AFTPH: variants seen among roughly 807,000 people sequenced by gnomAD.
The protein encoded by AFTPH is aftiphilin, also known as aftiphilin protein.
Under a neutral mutation model 72.5 loss-of-function variants are expected in AFTPH, and 7 were observed. The observed-to-expected ratio is 0.10, with a 90% confidence interval of 0.05 to 0.18. AFTPH has a LOEUF of 0.18. AFTPH is among the 10% of genes least tolerant of loss of function. The probability of loss-of-function intolerance (pLI) is 1.00; values close to 1 mark genes in which losing one functional copy is unlikely to be tolerated. For missense variants in AFTPH, 979 were observed against 1,060.5 expected, an observed-to-expected ratio of 0.92 and a Z score of 1.07; for synonymous variants, 337 against 370.1, an observed-to-expected ratio of 0.91 and a Z score of 1.03.
chr2:64,569,693 T>A lies in AFTPH; in HGVS notation c.2271+14T>A, dbSNP rs376265598. On this transcript the variant is annotated intron_variant, in intron 5 of 8. Transcript: ENST00000238856. ...GCAGCAGGATTGGTAAGTACAAAAATCTCTCTGCATGTATTTATCATTACT... is the reference window on the plus strand; with the variant it reads ...GCAGCAGGATTGGTAAGTACAAAAAACTCTCTGCATGTATTTATCATTACT... The A allele has an allele frequency of 1.4e-5, 23 of 1,611,248 alleles. No homozygotes were observed. The highest frequency in any genetic ancestry group is 1.9e-5 in the Non-Finnish European group (22 of 1,177,634).
At chr2:64,550,699 A>G (rs1252690156) in intron 1 of AFTPH, among the ~76,000 whole-genome samples, 1 of 149,174 alleles carries the variant, frequency 6.7e-6, no homozygotes, top group East Asian at 2.0e-4. Context: ...ACACACACAC[A>G]CACACACACA....
chr2:64,524,873 G>C (rs1669154701), intron 1 of AFTPH, among the ~76,000 whole-genome samples: 1 of 152,254 alleles, frequency 6.6e-6, no homozygotes, highest in South Asian at 2.1e-4. Flanking sequence ...GGGTAAGTGG[G>C]AGTCCTTCCC....
chr2:64,540,946 A>G (rs1373006725), intron 1 of AFTPH, among the ~76,000 whole-genome samples: 1 of 152,122 alleles, frequency 6.6e-6, no homozygotes, highest in Non-Finnish European at 1.5e-5. Flanking sequence ...ACCACTCAGA[A>G]GCCTTTTTGT....
At chr2:64,567,513 A>T in intron 2 of AFTPH, 49 bp from the exon 3 acceptor site, 2 of 1,563,886 alleles carry the variant, frequency 1.3e-6, no homozygotes, top group Non-Finnish European at 1.7e-6. Context: ...TAACTATGAT[A>T]TTATCAAAAT....
intron 2 of AFTPH, among the ~76,000 whole-genome samples, chr2:64,565,333 G>A (rs1039163283): frequency 3.3e-5 from 5 of 151,746 alleles, no homozygotes; most frequent in African/African-American, 1.2e-4. Flanking sequence ...AAATTAGCTG[G>A]GCGCGGTGGT....
At chr2:64,540,808 C>T (rs577627479) in intron 1 of AFTPH, among the ~76,000 whole-genome samples, 15 of 152,104 alleles carry the variant, frequency 9.9e-5, no homozygotes, top group African/African-American at 3.6e-4. Flanking sequence ...ATATTTTGTA[C>T]TATATACACT....
chr2:64,573,319 T>A (rs1573020124), intron 6 of AFTPH, among the ~76,000 whole-genome samples: 1 of 152,062 alleles, frequency 6.6e-6, no homozygotes, highest in South Asian at 2.1e-4. Flanking sequence ...TATCCAGGCC[T>A]TAGTCTCTTT....
chr2:64,546,108 G>C (rs972324644), intron 1 of AFTPH, among the ~76,000 whole-genome samples: 10 of 151,832 alleles, frequency 6.6e-5, no homozygotes, highest in Non-Finnish European at 4.4e-5. Context: ...GGCCAGGCTG[G>C]TCTCAAACTC....
chr2:64,553,404 G>C, exon 2 of AFTPH: 1 of 1,565,094 alleles, frequency 6.4e-7, no homozygotes, highest in Non-Finnish European at 8.6e-7. Flanking sequence ...AGCCACTTCA[G>C]TTCAGGTATT....
intron 2 of AFTPH, among the ~76,000 whole-genome samples, chr2:64,564,210 A>G (rs1451929543): frequency 6.6e-6 from 1 of 152,182 alleles, no homozygotes; most frequent in Non-Finnish European, 1.5e-5. Context: ...TGAGATAAGT[A>G]TTTTCATAGT....
At position 64,559,399 on chromosome 2, in the gene AFTPH, ATGG is replaced by A. The variant is rs576175056; in HGVS notation, c.1935+5993_1935+5995del. On this transcript the variant is annotated intron_variant, in intron 2 of 8. Coordinates refer to ENST00000238856, the Ensembl canonical transcript of AFTPH. ...GCATAAGCTGGAGACCCAAGAGCTG[ATGG>A]TGTAGTTCCAGTCTGAGTCCAAAGC... Among the ~76,000 whole-genome samples, 14 of 152,292 alleles carry A rather than the reference ATGG, an allele frequency of 9.2e-5. No homozygotes were observed. In the South Asian group the frequency reaches 2.9e-3, roughly 32 times the overall value.
chr2:64,558,136 T>G (rs1344428260), intron 2 of AFTPH, among the ~76,000 whole-genome samples: 1 of 152,226 alleles, frequency 6.6e-6, no homozygotes, highest in Non-Finnish European at 1.5e-5. Context: ...AACTTCTACT[T>G]GAGTGTGAAA....
At position 64,524,467 on chromosome 2, in the gene AFTPH, A is replaced by C. The variant is rs560812270; in HGVS notation, c.-178A>C. On this transcript the variant is annotated 5_prime_UTR_variant, in exon 1 of 9. An upstream start codon of the reference 5' UTR is lost. Transcript: ENST00000238856. The stretch of plus-strand genomic sequence containing the variant: ...GCGGTGAAACTCCGGGTGGGCGTCC[A>C]TGGTGCTGCTGCGCTGACAGGGCTG... The C allele has an allele frequency of 8.2e-4, 328 of 402,172 alleles. No individual in the cohort carries two copies. The highest frequency in any genetic ancestry group is 2.5e-3 in the Middle Eastern group (4 of 1,606). 24.9% of individuals were successfully genotyped at this position (402,172 alleles called of 1,614,324 possible).
intron 1 of AFTPH, among the ~76,000 whole-genome samples, chr2:64,529,057 TTCTTGAATTGGAA>T (rs1669447085): frequency 6.6e-6 from 1 of 152,120 alleles, no homozygotes; most frequent in Non-Finnish European, 1.5e-5. Flanking sequence ...GTAGGACAGT[TTCTTGAATTGGAA>T]TCTGCAATAA....
intron 6 of AFTPH, 136 bp downstream of exon 6, chr2:64,573,204 GATTA>G (rs1310340951): frequency 1.0e-5 from 7 of 691,214 alleles, no homozygotes; most frequent in Non-Finnish European, 2.4e-6. Flanking sequence ...ACATGATTTT[GATTA>G]ATTAACATCC....
In AFTPH at chr2:64,569,069, T is replaced by C. The variant is rs186702663; in HGVS notation, c.2088-23T>C. 533 of 1,613,808 alleles carry C rather than the reference T, an allele frequency of 3.3e-4. 4 individuals carry two copies. The highest frequency in any genetic ancestry group is 9.1e-5 in the Non-Finnish European group (107 of 1,179,770). On this transcript the variant is annotated intron_variant, in intron 3 of 8. Coordinates refer to ENST00000238856, the Ensembl canonical transcript of AFTPH. ...AAGTTATTGAGTAACCTGTTGTTGA[T>C]GGCTTCATCATGGCCTTTGCAGGGA...
chr2:64,592,245 CGG>C, exon 9 of AFTPH: 1 of 413,370 alleles, frequency 2.4e-6, no homozygotes, highest in Non-Finnish European at 4.2e-6. Context: ...TGTAAATAAT[CGG>C]GGGTAAACAT....
At chr2:64,553,067 G>A in exon 2 of AFTPH, 3 of 1,614,170 alleles carry the variant, frequency 1.9e-6, no homozygotes, top group South Asian at 1.1e-5. Context: ...TTAAAAATGG[G>A]CAAGAAGGTG....
intron 1 of AFTPH, among the ~76,000 whole-genome samples, chr2:64,544,641 A>G (rs895266738): frequency 2.0e-5 from 3 of 152,120 alleles, no homozygotes; most frequent in South Asian, 2.1e-4. Context: ...TATGTGTTAA[A>G]GTGGATTATA....
Sources: gnomAD v4.1 joint callset for allele counts (sites outside exome capture counted in the v4.1 genomes callset) on GRCh38, gnomAD v4.1.1 for gene constraint, MANE v1.5 for transcripts, NCBI Gene and HGNC (gene_info 2026-07-23, HGNC 2026-07-21) for gene names.